The following ITPR1 variants were observed in gnomAD, a reference collection of about 807,000 sequenced individuals.
ITPR1 encodes inositol 1,4,5-trisphosphate receptor type 1.
ITPR1 carries 96 observed loss-of-function variants against 318.4 expected under a neutral mutation model. The ratio of observed to expected loss-of-function variants is 0.30; its 90% CI spans 0.26 to 0.36. ITPR1 has a LOEUF of 0.36. Among genes scored for constraint, ITPR1 ranks in the 10% least tolerant of loss-of-function variants. The probability of loss-of-function intolerance (pLI) is 1.00; values close to 1 mark genes in which losing one functional copy is unlikely to be tolerated. For missense variants in ITPR1, 2,440 were observed against 3,460.2 expected, an observed-to-expected ratio of 0.71 and a Z score of 7.40; for synonymous variants, 1,312 against 1,289.9, an observed-to-expected ratio of 1.02 and a Z score of -0.37.
intron 43 of ITPR1, 89 bp downstream of exon 43, chr3:4,733,309 A>G (rs2043057767): frequency 2.8e-6 from 4 of 1,450,782 alleles, no homozygotes; most frequent in African/African-American, 1.4e-5. Flanking sequence ...TGAAATGCTC[A>G]CAACAGATGA....
chr3:4,613,003 G>A (rs1575722990), intron 4 of ITPR1, among the ~76,000 whole-genome samples: 1 of 152,224 alleles, frequency 6.6e-6, no homozygotes, highest in African/African-American at 2.4e-5. Context: ...TTTTGCCAAG[G>A]TTAAGGACGT....
chr3:4,542,823 C>T (rs936476317), intron 4 of ITPR1, among the ~76,000 whole-genome samples: 6 of 152,170 alleles, frequency 3.9e-5, no homozygotes, highest in Non-Finnish European at 5.9e-5. Flanking sequence ...TCAGAGTTCT[C>T]GCTTTAGAAA....
intron 60 of ITPR1, among the ~76,000 whole-genome samples, chr3:4,830,036 C>T (rs933344855): frequency 7.2e-6 from 1 of 139,300 alleles, no homozygotes; most frequent in Non-Finnish European, 1.5e-5. Context: ...TGCATTGGCA[C>T]CATCTCGGCT....
chr3:4,743,532 A>T (rs1309821833), intron 44 of ITPR1, among the ~76,000 whole-genome samples: 1 of 152,180 alleles, frequency 6.6e-6, no homozygotes. Context: ...TTCATCTGTG[A>T]GTCCCTCCAG....
In ITPR1 at chr3:4,720,710, G is replaced by A. The variant is rs149461095; in HGVS notation, c.5136+3311G>A. On this transcript the variant is annotated intron_variant, in intron 40 of 61. Transcript: ENST00000649015. ...AATTCACATTCCAGCTACTCAGGGC[G>A]GCTGCAGCCTGCATATGTTAACTCC... Among the ~76,000 whole-genome samples, 5 of 152,300 alleles carry A rather than the reference G, an allele frequency of 3.3e-5. 1 individual carries two copies. Among genetic ancestry groups the A allele is most frequent in the South Asian group, 2.1e-4 (1 of 4,830 alleles).
In ITPR1 at chr3:4,792,949, G is replaced by T. The variant is rs377651799; in HGVS notation, c.6809-2116G>T. On this transcript the variant is annotated intron_variant, in intron 52 of 61. Coordinates refer to ENST00000649015, the MANE Select transcript of ITPR1 (RefSeq NM_001378452.1). ...GCAGAGGCTGGAGAGTGCGGGGTGT[G>T]TTCGGGAACCACCACTAGATTGGGA... is the stretch of plus-strand genomic sequence containing the variant. Among the ~76,000 whole-genome samples, 12 of 152,278 alleles carry T rather than the reference G, an allele frequency of 7.9e-5. No individual in the cohort carries two copies. The South Asian group carries it at 2.1e-3, about 26-fold the overall frequency.
intron 4 of ITPR1, among the ~76,000 whole-genome samples, chr3:4,610,152 C>T (rs1302189176): frequency 6.6e-6 from 1 of 152,142 alleles, no homozygotes. Context: ...TCTTCCTGTC[C>T]CACCCATTGG....
chr3:4,702,242 C>A (rs770532127), intron 35 of ITPR1, among the ~76,000 whole-genome samples: 1 of 152,132 alleles, frequency 6.6e-6, no homozygotes, highest in Non-Finnish European at 1.5e-5. Context: ...TCGAAGTACT[C>A]ATCATAATAA....
At chr3:4,824,120 A>G (rs1340845240) in intron 60 of ITPR1, among the ~76,000 whole-genome samples, 3 of 152,182 alleles carry the variant, frequency 2.0e-5, no homozygotes, top group Non-Finnish European at 4.4e-5. Flanking sequence ...GGACAGTGAA[A>G]TATCGGGGGA....
chr3:4,832,158 A>G (rs570232429), intron 60 of ITPR1, among the ~76,000 whole-genome samples: 1 of 152,238 alleles, frequency 6.6e-6, no homozygotes, highest in Non-Finnish European at 1.5e-5. Flanking sequence ...AGAAAAGATA[A>G]GAATGCTTGC....
At position 4,670,958 on chromosome 3, in the gene ITPR1, G is replaced by C. The variant is rs765684460; in HGVS notation, c.2204+32G>C. On this transcript the variant is annotated intron_variant, in intron 20 of 61. Coordinates refer to ENST00000649015, the MANE Select transcript of ITPR1 (RefSeq NM_001378452.1). ...GGGACACGTGTGGGGCTCAGATTGG[G>C]GTGCCCCAAAACAGTGGCACTTAGG... The C allele has an allele frequency of 3.4e-6, 5 of 1,461,566 alleles. No individual in the cohort carries two copies. In the South Asian group the frequency reaches 7.5e-5, roughly 22 times the overall value. 90.5% of individuals were successfully genotyped at this position (1,461,566 alleles called of 1,614,324 possible). A position where few individuals can be genotyped will look rare whatever the true frequency, so the allele number is the denominator to read the frequency against.
intron 4 of ITPR1, among the ~76,000 whole-genome samples, chr3:4,577,893 G>A (rs1218538295): frequency 6.6e-6 from 1 of 152,190 alleles, no homozygotes; most frequent in African/African-American, 2.4e-5. Flanking sequence ...TTGGATAGAG[G>A]CCATATTGGT....
intron 3 of ITPR1, 29 bp downstream of exon 3, chr3:4,516,612 C>A (rs73807272): frequency 1.4e-6 from 2 of 1,393,384 alleles, no homozygotes; most frequent in Non-Finnish European, 2.0e-6. Context: ...TTGTGTGGCA[C>A]GGTTTGTTTA....
intron 4 of ITPR1, among the ~76,000 whole-genome samples, chr3:4,558,933 C>A (rs904104411): frequency 3.3e-5 from 5 of 151,986 alleles, no homozygotes; most frequent in African/African-American, 1.2e-4. Context: ...ACTTAGATAA[C>A]CACAATACCA....
Position 4,710,371 on chromosome 3 carries a change from C to T in ITPR1, c.4889C>T (p.Ala1630Val). 6.4e-7 allele frequency: 1 copy of T among 1,568,370 alleles called. No homozygotes were observed. Among genetic ancestry groups the T allele is most frequent in the Non-Finnish European group, 8.7e-7 (1 of 1,155,390 alleles). Residue 1630 changes from alanine to valine, a missense_variant, in exon 38 of 62, where the codon GCA (alanine) becomes GTA (valine). By Grantham distance (64) the Ala-to-Val change is moderately conservative. Coordinates refer to ENST00000649015, the MANE Select transcript of ITPR1 (RefSeq NM_001378452.1). The surrounding 1 kb of genome is among the most constrained non-coding windows in gnomAD (Gnocchi z 4.2). ...GACCGTCTCAGGCCCCTGGTGCAGG[C>T]AGAGTTATCTGTGCTCGTGGATGTT... ...LEDRLRPLVQAELSVLVDVLH... is the reference protein window; with the variant it reads ...LEDRLRPLVQVELSVLVDVLH...
chr3:4,776,303 C>G (rs1416806516), intron 47 of ITPR1, among the ~76,000 whole-genome samples: 3 of 152,154 alleles, frequency 2.0e-5, no homozygotes, highest in Non-Finnish European at 4.4e-5. Context: ...AACTTCTGAC[C>G]TCGTGATCCA....
chr3:4,688,183 C>A (rs1305691938), intron 30 of ITPR1, among the ~76,000 whole-genome samples: 1 of 152,160 alleles, frequency 6.6e-6, no homozygotes, highest in African/African-American at 2.4e-5. Flanking sequence ...TGTGCCCAGC[C>A]CGTCCCTGTC....
intron 44 of ITPR1, among the ~76,000 whole-genome samples, chr3:4,764,200 AG>A (rs1184452727): frequency 1.3e-5 from 2 of 152,164 alleles, no homozygotes; most frequent in Non-Finnish European, 2.9e-5. Flanking sequence ...TATTGACCTG[AG>A]GGTTCAAGAG....
rs370112837 is a variant in ITPR1, at chr3:4,557,268, G to C, written c.163+36174G>C. ...TAAGACACATCTTACATGGTGGCAG[G>C]CAAGAGAGAGCAGGTGCAGGGGAAC... is the stretch of plus-strand genomic sequence containing the variant. On this transcript the variant is annotated intron_variant, in intron 4 of 61. Coordinates refer to ENST00000649015, the MANE Select transcript of ITPR1 (RefSeq NM_001378452.1). Among the ~76,000 whole-genome samples the C allele has an allele frequency of 7.9e-5, 12 of 152,308 alleles. 1 individual carries two copies. The South Asian group carries it at 2.5e-3, about 32-fold the overall frequency.
Sources: allele counts gnomAD v4.1 joint callset (sites outside exome capture counted in the v4.1 genomes callset), GRCh38; gene constraint gnomAD v4.1.1; non-coding constraint Gnocchi (gnomAD v3.1); transcripts MANE v1.5; gene names NCBI Gene and HGNC (gene_info 2026-07-23, HGNC 2026-07-21).